The following ANP32A variants were observed in gnomAD, a reference collection of about 807,000 sequenced individuals.
The protein encoded by ANP32A is acidic leucine-rich nuclear phosphoprotein 32 family member A.
Under a neutral mutation model 33.9 loss-of-function variants are expected in ANP32A, and 1 was observed. The ratio of observed to expected loss-of-function variants is 0.03; its 90% CI spans 0.01 to 0.14. ANP32A has a LOEUF of 0.14. ANP32A is among the 10% of genes least tolerant of loss of function. ANP32A has a pLI of 1.00. For missense variants in ANP32A, 155 were observed against 306.0 expected (o/e 0.51, Z 3.68); for synonymous variants, 115 against 120.5 (o/e 0.95, Z 0.30).
At position 68,780,264 on chromosome 15, in the gene ANP32A, C is replaced by T; in HGVS notation, c.689-122G>A. The T allele has an allele frequency of 6.4e-7, 1 of 1,560,696 alleles. No individual in the cohort carries two copies. Among genetic ancestry groups the T allele is most frequent in the South Asian group, 1.2e-5 (1 of 85,110 alleles). The stretch of plus-strand genomic sequence containing the variant: ...GCTGTGCCATCCTTGGAAACCGAGG[C>T]AAGACATCTGCACAGCTGGAAGGGG... On this transcript the variant is annotated intron_variant, in intron 6 of 6. Coordinates refer to ENST00000465139, the MANE Select transcript of ANP32A (RefSeq NM_006305.4). The surrounding 1 kb of genome is among the most constrained non-coding windows in gnomAD (Gnocchi z 4.3).
intron 4 of ANP32A, among the ~76,000 whole-genome samples, chr15:68,784,095 G>T (rs563737237): frequency 1.3e-5 from 2 of 152,282 alleles, no homozygotes; most frequent in African/African-American, 4.8e-5. Flanking sequence ...TCAGTTGGAT[G>T]GTTTTAAAGG....
At chr15:68,798,697 G>A (rs2140365898) in intron 1 of ANP32A, among the ~76,000 whole-genome samples, 1 of 152,298 alleles carries the variant, frequency 6.6e-6, no homozygotes, top group Middle Eastern at 3.4e-3. Flanking sequence ...CTGTTAGGAA[G>A]AGCCCAGACC....
chr15:68,813,114 G>C (rs1415197663), intron 1 of ANP32A: 2 of 152,222 alleles, frequency 1.3e-5, no homozygotes, highest in Admixed American at 1.3e-4. Context: ...TTTTAGATCT[G>C]CTGCCTGGAG....
chr15:68,784,140 C>A (rs1255012279), intron 4 of ANP32A: 3 of 554,008 alleles, frequency 5.4e-6, no homozygotes, highest in Non-Finnish European at 9.7e-6. Flanking sequence ...CAGGATATTT[C>A]CATGAGCATG....
At chr15:68,817,147 G>A (rs746769028) in intron 1 of ANP32A, among the ~76,000 whole-genome samples, 1 of 152,206 alleles carries the variant, frequency 6.6e-6, no homozygotes, top group African/African-American at 2.4e-5. Context: ...TGCCAGCATC[G>A]GAGGACCCGA....
intron 1 of ANP32A, among the ~76,000 whole-genome samples, chr15:68,811,702 T>TG (rs1567040078): frequency 6.6e-6 from 1 of 152,110 alleles, no homozygotes; most frequent in Non-Finnish European, 1.5e-5. Flanking sequence ...TGAAAGAAAA[T>TG]GGTTACTTTT....
intron 1 of ANP32A, among the ~76,000 whole-genome samples, chr15:68,789,033 T>G (rs1359012241): frequency 6.6e-6 from 1 of 151,942 alleles, no homozygotes; most frequent in Non-Finnish European, 1.5e-5. Context: ...ACCCTGGGAG[T>G]AAGCAAAGGA....
intron 1 of ANP32A, among the ~76,000 whole-genome samples, chr15:68,809,374 G>A (rs1041643160): frequency 2.6e-5 from 4 of 152,288 alleles, no homozygotes; most frequent in Middle Eastern, 3.4e-3. Context: ...AAAATAAAAC[G>A]AGCAATTAAT....
At chr15:68,787,987 G>C in intron 1 of ANP32A, 68 bp from the exon 2 acceptor site, 1 of 1,592,390 alleles carries the variant, frequency 6.3e-7, no homozygotes, top group Non-Finnish European at 8.6e-7. Context: ...GGGTGTTAGA[G>C]GACTCCTCAG....
chr15:68,798,717 C>T (rs1035843881), intron 1 of ANP32A, among the ~76,000 whole-genome samples: 4 of 152,188 alleles, frequency 2.6e-5, no homozygotes, highest in Non-Finnish European at 4.4e-5. Flanking sequence ...CTGAGCTCAG[C>T]CCCTGCTCTC....
intron 3 of ANP32A, among the ~76,000 whole-genome samples, chr15:68,786,090 G>A (rs1424253110): frequency 6.6e-6 from 1 of 152,094 alleles, no homozygotes; most frequent in East Asian, 1.9e-4. Context: ...CATCCATGGA[G>A]AGCAAGGAGT....
chr15:68,787,719 T>TCCCACTC (rs2140361069), intron 2 of ANP32A, 51 bp downstream of exon 2: 5 of 1,609,490 alleles, frequency 3.1e-6, no homozygotes. Flanking sequence ...TAATAACCCT[T>TCCCACTC]CCCACTCCCC....
At position 68,787,751 on chromosome 15, in the gene ANP32A, C is replaced by G. The variant is rs770889423; in HGVS notation, c.204+19G>C. On this transcript the variant is annotated intron_variant, in intron 2 of 6. Transcript: ENST00000465139. ...CCCCACCCCCGCCTCCCAGCACACA[C>G]AGACTCCACTCTATTTACCTTCTTA... The G allele has an allele frequency of 3.7e-6, 6 of 1,612,222 alleles. No homozygotes were observed. The East Asian group carries it at 6.7e-5, about 18-fold the overall frequency.
chr15:68,785,912 A>G (rs751222515), intron 3 of ANP32A, among the ~76,000 whole-genome samples: 7 of 152,254 alleles, frequency 4.6e-5, no homozygotes, highest in Non-Finnish European at 8.8e-5. Context: ...AGACAGATCA[A>G]AATAGTTTGG....
chr15:68,809,594 G>A (rs1894285508), intron 1 of ANP32A, among the ~76,000 whole-genome samples: 1 of 152,156 alleles, frequency 6.6e-6, no homozygotes, highest in South Asian at 2.1e-4. Flanking sequence ...TTACTGATAA[G>A]GGATGTGATA....
At chr15:68,819,914 T>G (rs1894447564) in intron 1 of ANP32A, among the ~76,000 whole-genome samples, 1 of 149,564 alleles carries the variant, frequency 6.7e-6, no homozygotes, top group African/African-American at 2.5e-5. Context: ...GAAGGTGGGG[T>G]GGAAAGAGTG....
At chr15:68,809,270 C>T (rs1223736676) in intron 1 of ANP32A, among the ~76,000 whole-genome samples, 1 of 152,228 alleles carries the variant, frequency 6.6e-6, no homozygotes, top group Non-Finnish European at 1.5e-5. Flanking sequence ...CCTACCCCTA[C>T]TCATCACACA....
intron 1 of ANP32A, among the ~76,000 whole-genome samples, chr15:68,804,294 T>A (rs1377951136): frequency 6.6e-6 from 1 of 152,170 alleles, no homozygotes; most frequent in African/African-American, 2.4e-5. Flanking sequence ...TTGGATGACC[T>A]GGTTTTGTAT....
chr15:68,809,564 G>A (rs1262518241), intron 1 of ANP32A, among the ~76,000 whole-genome samples: 3 of 152,162 alleles, frequency 2.0e-5, no homozygotes, highest in Non-Finnish European at 2.9e-5. Flanking sequence ...TAGACATACT[G>A]GGGCTCAGGT....
Sources: gnomAD v4.1 joint callset for allele counts (sites outside exome capture counted in the v4.1 genomes callset) on GRCh38, gnomAD v4.1.1 for gene constraint, Gnocchi (gnomAD v3.1) non-coding constraint, MANE v1.5 for transcripts, NCBI Gene and HGNC (gene_info 2026-07-23, HGNC 2026-07-21) for gene names.